MYBL1: variants seen among roughly 807,000 people sequenced by gnomAD.
MYBL1 encodes the protein myb-related protein A.
Under a neutral mutation model 96.3 loss-of-function variants are expected in MYBL1, and 17 were observed. The ratio of observed to expected loss-of-function variants is 0.18; its 90% CI spans 0.12 to 0.26. The LOEUF is 0.26. MYBL1 is among the 10% of genes least tolerant of loss of function. MYBL1 has a pLI of 1.00. For synonymous variants in MYBL1, 282 were observed against 292.7 expected, an observed-to-expected ratio of 0.96 and a Z score of 0.37; for missense variants, 701 against 882.9, an observed-to-expected ratio of 0.79 and a Z score of 2.61.
intron 8 of MYBL1, among the ~76,000 whole-genome samples, chr8:66,581,282 C>T (rs1809200865): frequency 6.6e-6 from 1 of 152,130 alleles, no homozygotes. Context: ...CTTCTAGGAA[C>T]CCTTCCCTGA....
intron 1 of MYBL1, among the ~76,000 whole-genome samples, chr8:66,606,700 A>C (rs911261679): frequency 6.6e-6 from 1 of 152,186 alleles, no homozygotes; most frequent in Non-Finnish European, 1.5e-5. Context: ...TCTACAGTTC[A>C]ACACACTTCA....
chr8:66,576,647 TAA>T lies in MYBL1; in HGVS notation c.1102-274_1102-273del, dbSNP rs555232155. The stretch of plus-strand genomic sequence containing the variant: ...CAAATGATAAGTTATTATCAAAAAT[TAA>T]GTTATTATCAAAAAGTATATTTCGT... On this transcript the variant is annotated intron_variant, in intron 9 of 15. Coordinates refer to ENST00000522677, the MANE Select transcript of MYBL1 (RefSeq NM_001080416.4). 2.6e-3 allele frequency among the ~76,000 whole-genome samples: 397 copies of T among 152,256 alleles called. 2 individuals carry two copies. The highest frequency in any genetic ancestry group is 9.2e-3 in the African/African-American group (381 of 41,510).
chr8:66,576,266 G>C lies in MYBL1; in HGVS notation c.1211C>G (p.Ala404Gly), dbSNP rs1487739836. 2 of 1,613,928 alleles carry C rather than the reference G, an allele frequency of 1.2e-6. No homozygotes were observed. The highest frequency in any genetic ancestry group is 2.2e-5 in the South Asian group (2 of 91,074). ...KLMRIQHNEG[A>G]MECQFNVSLV... The stretch of plus-strand genomic sequence containing the variant: ...ACTGACGTTAAATTGGCATTCCATG[G>C]CTCCTTCATTGTGCTGAATTCTCAT... The change falls in exon 10 of 16, where the codon GCC becomes GGC. Residue 404 changes from alanine to glycine, a missense_variant. Coordinates refer to ENST00000522677, the MANE Select transcript of MYBL1 (RefSeq NM_001080416.4).
At chr8:66,601,070 G>A (rs772431824) in intron 3 of MYBL1, among the ~76,000 whole-genome samples, 43 of 151,356 alleles carry the variant, frequency 2.8e-4, no homozygotes, top group Non-Finnish European at 4.9e-4. Context: ...CCAGCTACTC[G>A]GGAGGCTGAG....
At chr8:66,582,737 C>G (rs1809267992) in intron 8 of MYBL1, among the ~76,000 whole-genome samples, 1 of 149,300 alleles carries the variant, frequency 6.7e-6, no homozygotes. Flanking sequence ...AAAAAAAACC[C>G]TATAAAAAAA....
At chr8:66,588,648 C>T (rs1809514582) in intron 8 of MYBL1, among the ~76,000 whole-genome samples, 1 of 152,050 alleles carries the variant, frequency 6.6e-6, no homozygotes, top group African/African-American at 2.4e-5. Context: ...ACCAAGCATA[C>T]ATATAAAACA....
intron 9 of MYBL1, among the ~76,000 whole-genome samples, chr8:66,576,724 G>A (rs1448538849): frequency 2.0e-5 from 3 of 152,122 alleles, no homozygotes; most frequent in Admixed American, 2.0e-4. Context: ...ATCAAATTCT[G>A]CATAATCATT....
chr8:66,606,084 G>A (rs1424710694), intron 1 of MYBL1, among the ~76,000 whole-genome samples: 2 of 152,084 alleles, frequency 1.3e-5, no homozygotes, highest in African/African-American at 2.4e-5. Context: ...AAAAATAGGG[G>A]GAAAGTGCTA....
intron 5 of MYBL1, among the ~76,000 whole-genome samples, 186 bp from the exon 6 acceptor site, chr8:66,595,943 T>G (rs1294368504): frequency 6.6e-6 from 1 of 152,140 alleles, no homozygotes; most frequent in Non-Finnish European, 1.5e-5. Flanking sequence ...AAAGATAAAC[T>G]GTATGTGCAT....
intron 1 of MYBL1, among the ~76,000 whole-genome samples, chr8:66,602,807 A>G (rs1281567776): frequency 7.9e-6 from 1 of 126,454 alleles, no homozygotes; most frequent in Non-Finnish European, 1.6e-5. Context: ...GTGCAGTGGC[A>G]TGATCTCGGC....
intron 3 of MYBL1, 60 bp downstream of exon 3, chr8:66,601,637 CA>C (rs1280774738): frequency 9.5e-6 from 9 of 948,562 alleles, no homozygotes; most frequent in African/African-American, 1.7e-5. Context: ...TGAAAAATAG[CA>C]AATTTAACCC....
Position 66,564,394 on chromosome 8 carries a change from T to A in MYBL1, c.*303A>T, listed in dbSNP as rs1808422416. On this transcript the variant is annotated 3_prime_UTR_variant, in exon 16 of 16. Transcript: ENST00000522677. ...AGCATCAAGAGAGTAGCAACATATATCTTGTGAAGAAAATATATGAGAATT... is the reference window on the plus strand; with the variant it reads ...AGCATCAAGAGAGTAGCAACATATAACTTGTGAAGAAAATATATGAGAATT... The A allele has an allele frequency of 5.5e-6, 1 of 180,278 alleles. No homozygotes were observed. The highest frequency in any genetic ancestry group is 1.6e-4 in the South Asian group (1 of 6,088). The allele number at this position is 180,278 out of a possible 1,614,324, so 11.2% of individuals were successfully genotyped here. A position where few individuals can be genotyped will look rare whatever the true frequency, so the allele number is the denominator to read the frequency against.
At chr8:66,584,747 C>G (rs570385701) in intron 8 of MYBL1, among the ~76,000 whole-genome samples, 1 of 151,992 alleles carries the variant, frequency 6.6e-6, no homozygotes, top group East Asian at 1.9e-4. Flanking sequence ...ACACCAACAA[C>G]AAACTAGCAC....
At chr8:66,604,283 G>A (rs1810220763) in intron 1 of MYBL1, among the ~76,000 whole-genome samples, 1 of 152,182 alleles carries the variant, frequency 6.6e-6, no homozygotes, top group African/African-American at 2.4e-5. Flanking sequence ...AGCACTTTGG[G>A]AGGCTGAGTC....
intron 8 of MYBL1, among the ~76,000 whole-genome samples, chr8:66,584,768 CAAGA>C (rs1177694954): frequency 6.6e-6 from 1 of 151,732 alleles, no homozygotes; most frequent in Non-Finnish European, 1.5e-5. Flanking sequence ...AAAAAGAAAT[CAAGA>C]AAGCAATGCC....
rs371571445 is a variant in MYBL1, at chr8:66,573,484, T to C, written c.1493A>G (p.Asn498Ser). 4.0e-5 allele frequency: 65 copies of C among 1,607,452 alleles called. No homozygotes were observed. In the African/African-American group the frequency reaches 7.6e-4, roughly 19 times the overall value. ...PSQFFNTCPG[N>S]EQLNIENPSF... ...AGGATTTTCTATATTAAGTTGTTCA[T>C]TACCAGGACATGTGTTGAAAAACTA... The change falls in exon 11 of 16, where the codon AAT becomes AGT. Residue 498 changes from asparagine (N) to serine (S), a missense_variant. Asn to Ser is a conservative substitution (Grantham distance 46). This residue lies in a region of MYBL1 where 396 missense variants were observed against 407.4 expected (regional missense o/e 0.97). Coordinates refer to ENST00000522677, the MANE Select transcript of MYBL1 (RefSeq NM_001080416.4).
At chr8:66,574,430 G>A (rs984712801) in intron 10 of MYBL1, among the ~76,000 whole-genome samples, 5 of 152,066 alleles carry the variant, frequency 3.3e-5, no homozygotes, top group African/African-American at 1.2e-4. Flanking sequence ...CTGAGAGCAG[G>A]GCTGGGAGTG....
chr8:66,601,293 T>G (rs1013167270), intron 3 of MYBL1, among the ~76,000 whole-genome samples: 1 of 152,080 alleles, frequency 6.6e-6, no homozygotes, highest in African/African-American at 2.4e-5. Context: ...GCATAATAGT[T>G]TTTAAAATCA....
chr8:66,585,570 G>A (rs760597956), intron 8 of MYBL1, among the ~76,000 whole-genome samples: 2 of 151,944 alleles, frequency 1.3e-5, no homozygotes, highest in African/African-American at 2.4e-5. Context: ...GTGAAACCTC[G>A]TCTCTCCTAA....
Sources: allele counts gnomAD v4.1 joint callset (sites outside exome capture counted in the v4.1 genomes callset), GRCh38; gene constraint gnomAD v4.1.1; regional missense constraint gnomAD v4.1.1; transcripts MANE v1.5; gene names NCBI Gene and HGNC (gene_info 2026-07-23, HGNC 2026-07-21).